RYR2: variants seen among roughly 807,000 people sequenced by gnomAD.
RYR2 encodes cardiac muscle ryanodine receptor-calcium release channel.
In RYR2, 227 loss-of-function variants were observed where a neutral mutation model predicts 601.1. The observed-to-expected ratio is 0.38, with a 90% confidence interval of 0.34 to 0.42. RYR2 has a LOEUF of 0.42. Among genes scored for constraint, RYR2 ranks in the 10% least tolerant of loss-of-function variants. The probability of loss-of-function intolerance (pLI) is 1.00; values close to 1 mark genes in which losing one functional copy is unlikely to be tolerated. For synonymous variants in RYR2, 2,223 were observed against 2,175.1 expected (o/e 1.02, Z -0.61); for missense variants, 4,646 against 6,156.5 (o/e 0.75, Z 8.21).
intron 95 of RYR2, among the ~76,000 whole-genome samples, chr1:237,794,351 G>A (rs188985016): frequency 6.6e-5 from 10 of 152,108 alleles, no homozygotes; most frequent in African/African-American, 1.9e-4. Context: ...ATTCATTAAC[G>A]AAAAAGTTGT....
intron 1 of RYR2, among the ~76,000 whole-genome samples, chr1:237,163,469 A>G (rs1178797184): frequency 6.6e-6 from 1 of 151,436 alleles, no homozygotes; most frequent in East Asian, 1.9e-4. Flanking sequence ...GTAAACACTG[A>G]TTGGTTTATC....
chr1:237,519,926 GTGTT>G (rs138897043), intron 24 of RYR2, among the ~76,000 whole-genome samples: 1 of 89,048 alleles, frequency 1.1e-5, no homozygotes, highest in Non-Finnish European at 2.7e-5. Flanking sequence ...GGCTGTTTTT[GTGTT>G]TGTTTGCATC....
chr1:237,470,129 G>A (rs1660546558), intron 17 of RYR2, among the ~76,000 whole-genome samples: 1 of 151,998 alleles, frequency 6.6e-6, no homozygotes, highest in African/African-American at 2.4e-5. Context: ...TTTCCTCTCA[G>A]TTTCCTTCAT....
At position 237,329,438 on chromosome 1, in the gene RYR2, C is replaced by T. The variant is rs189504428; in HGVS notation, c.169-1440C>T. 4.6e-3 allele frequency among the ~76,000 whole-genome samples: 705 copies of T among 151,938 alleles called. 2 individuals carry two copies. The highest frequency in any genetic ancestry group is 7.3e-3 in the Admixed American group (111 of 15,260). Reference sequence around the variant, plus strand: ...GGGGCGGATCACGAGGTCAAGAGATCGAGATCATCCTGGCTAACATGGTGA... The same window carrying T: ...GGGGCGGATCACGAGGTCAAGAGATTGAGATCATCCTGGCTAACATGGTGA... On this transcript the variant is annotated intron_variant, in intron 2 of 104. Transcript: ENST00000366574.
intron 11 of RYR2, among the ~76,000 whole-genome samples, chr1:237,419,871 A>T (rs1195298147): frequency 6.6e-6 from 1 of 152,136 alleles, no homozygotes; most frequent in Non-Finnish European, 1.5e-5. Flanking sequence ...TCATTCTAGG[A>T]AGTTTACATG....
chr1:237,353,221 A>G (rs899679776), intron 3 of RYR2, among the ~76,000 whole-genome samples: 10 of 152,164 alleles, frequency 6.6e-5, no homozygotes, highest in African/African-American at 2.4e-4. Context: ...AAAAAAGTTT[A>G]TGGAATAGTT....
intron 33 of RYR2, among the ~76,000 whole-genome samples, chr1:237,594,312 C>T (rs192758426): frequency 9.2e-5 from 14 of 152,270 alleles, no homozygotes; most frequent in Admixed American, 2.0e-4. Flanking sequence ...GACAGGTCTC[C>T]GAAAGAGTCC....
In RYR2 at chr1:237,579,854, A is replaced by G. The variant is rs1673695027; in HGVS notation, c.3599-9939A>G. On this transcript the variant is annotated intron_variant, in intron 29 of 104. Transcript: ENST00000366574. Reference sequence around the variant, plus strand: ...TCCCTTACAGAATATATCATACCGAATATGTACATAATTCAAACTTCAGTG... The same window carrying G: ...TCCCTTACAGAATATATCATACCGAGTATGTACATAATTCAAACTTCAGTG... Among the ~76,000 whole-genome samples the G allele has an allele frequency of 2.6e-5, 4 of 152,300 alleles. No individual in the cohort carries two copies. In the South Asian group the frequency reaches 8.3e-4, roughly 32 times the overall value.
chr1:237,370,854 G>T (rs894277404), intron 6 of RYR2, among the ~76,000 whole-genome samples: 1 of 151,994 alleles, frequency 6.6e-6, no homozygotes, highest in African/African-American at 2.4e-5. Context: ...TAGAGACAGG[G>T]TTTCACCGTG....
At chr1:237,643,569 A>C in intron 48 of RYR2, 122 bp downstream of exon 48, 1 of 1,006,868 alleles carries the variant, frequency 9.9e-7, no homozygotes, top group Non-Finnish European at 1.4e-6. Context: ...TATACTACTT[A>C]AATTAGTTTT....
intron 29 of RYR2, among the ~76,000 whole-genome samples, chr1:237,585,389 A>G (rs923327869): frequency 1.1e-4 from 17 of 152,314 alleles, no homozygotes; most frequent in Middle Eastern, 6.8e-3. Flanking sequence ...AGGAAACATT[A>G]ACTACTAATA....
intron 8 of RYR2, among the ~76,000 whole-genome samples, chr1:237,387,047 T>G (rs1702004802): frequency 6.6e-6 from 1 of 152,224 alleles, no homozygotes; most frequent in Non-Finnish European, 1.5e-5. Context: ...TTTATGCATA[T>G]TTTGATTATT....
intron 14 of RYR2, among the ~76,000 whole-genome samples, chr1:237,451,142 A>G (rs924953942): frequency 6.6e-6 from 1 of 152,162 alleles, no homozygotes; most frequent in African/African-American, 2.4e-5. Context: ...CGCACCTATA[A>G]TCCCAGCACT....
intron 66 of RYR2, among the ~76,000 whole-genome samples, chr1:237,702,582 G>T (rs538848957): frequency 2.0e-5 from 3 of 151,928 alleles, no homozygotes; most frequent in South Asian, 2.1e-4. Context: ...TTTTTAAAAG[G>T]TCAGAATAAA....
intron 104 of RYR2, 52 bp downstream of exon 104, chr1:237,831,617 A>G (rs2102957632): frequency 9.4e-7 from 1 of 1,060,542 alleles, no homozygotes; most frequent in East Asian, 2.4e-5. Flanking sequence ...GAGAAGCTCT[A>G]AATATCAGAA....
At chr1:237,831,224 C>T (rs561436419) in intron 103 of RYR2, among the ~76,000 whole-genome samples, 13 of 152,222 alleles carry the variant, frequency 8.5e-5, no homozygotes, top group Non-Finnish European at 1.9e-4. Context: ...CAGTAAATTA[C>T]AACTTCTCAT....
chr1:237,485,827 G>T (rs1445208887), intron 17 of RYR2, among the ~76,000 whole-genome samples: 2 of 152,182 alleles, frequency 1.3e-5, no homozygotes, highest in African/African-American at 4.8e-5. Context: ...TTTAGGGACT[G>T]ATATTCTATG....
At position 237,106,382 on chromosome 1, in the gene RYR2, A is replaced by G. The variant is rs146571680; in HGVS notation, c.48+63813A>G. ...CAGGACCCTGGATATTTTTTTGGAC[A>G]TAGAGCCAGGAGGATTTCCTCATGG... On this transcript the variant is annotated intron_variant, in intron 1 of 104. Transcript: ENST00000366574. The surrounding 1 kb of genome is among the most constrained non-coding windows in gnomAD (Gnocchi z 4.4). Among the ~76,000 whole-genome samples the G allele has an allele frequency of 6.8e-3, 1,041 of 152,266 alleles. 10 individuals are homozygous for G. Among genetic ancestry groups the G allele is most frequent in the Non-Finnish European group, 8.9e-3 (607 of 68,022 alleles).
intron 58 of RYR2, among the ~76,000 whole-genome samples, chr1:237,670,339 C>T (rs1397622929): frequency 2.4e-4 from 29 of 120,464 alleles, no homozygotes; most frequent in African/African-American, 5.2e-4. Flanking sequence ...GAGAGGGAGA[C>T]GGGAGAGGGA....
Sources: allele counts gnomAD v4.1 joint callset (sites outside exome capture counted in the v4.1 genomes callset), GRCh38; gene constraint gnomAD v4.1.1; non-coding constraint Gnocchi (gnomAD v3.1); transcripts MANE v1.5; gene names NCBI Gene and HGNC (gene_info 2026-07-23, HGNC 2026-07-21).